NRG3: variants seen among roughly 807,000 people sequenced by gnomAD.
NRG3 encodes neuregulin 3, also known as pro-neuregulin-3, membrane-bound isoform.
Under a neutral mutation model 66.9 loss-of-function variants are expected in NRG3, and 31 were observed. That is an observed-to-expected ratio of 0.46 (90% CI 0.35 to 0.63). The LOEUF is 0.63. Ranked by LOEUF, NRG3 falls within the 20% of genes least tolerant of loss-of-function variation. NRG3 has a pLI of 0.00. For missense variants in NRG3, 910 were observed against 878.9 expected, an observed-to-expected ratio of 1.04 and a Z score of -0.45; for synonymous variants, 393 against 359.4, an observed-to-expected ratio of 1.09 and a Z score of -1.06.
At chr10:82,164,149 AACAGGGATCC>A (rs1056438452) in intron 1 of NRG3, among the ~76,000 whole-genome samples, 16 of 151,906 alleles carry the variant, frequency 1.1e-4, no homozygotes, top group Non-Finnish European at 1.8e-4. Flanking sequence ...TCGAACTCCT[AACAGGGATCC>A]ACCTGTGTAG....
At chr10:82,176,226 C>G (rs1490765702) in intron 1 of NRG3, among the ~76,000 whole-genome samples, 1 of 152,162 alleles carries the variant, frequency 6.6e-6, no homozygotes, top group Non-Finnish European at 1.5e-5. Flanking sequence ...GCAGGATATC[C>G]TTTGGGAAAT....
chr10:82,796,337 G>A (rs768515234), intron 3 of NRG3, among the ~76,000 whole-genome samples: 2 of 152,114 alleles, frequency 1.3e-5, no homozygotes, highest in South Asian at 2.1e-4. Context: ...TTGTCAATCA[G>A]CTCCTATTGG....
chr10:82,842,423 G>A (rs2135758406), intron 3 of NRG3, among the ~76,000 whole-genome samples: 1 of 152,200 alleles, frequency 6.6e-6, no homozygotes, highest in South Asian at 2.1e-4. Flanking sequence ...TCTAGCCCAG[G>A]AACTAGAATA....
rs371275649 is a variant in NRG3 at position 82,143,138 on chromosome 10, CT to C, written c.824-215599del. Reference sequence around the variant, plus strand: ...ACAGAAAAGTGATGAATGATATGAACTTAGTGCTAGGTTCCAGTTCAAGAAT... The same window carrying C: ...ACAGAAAAGTGATGAATGATATGAACTAGTGCTAGGTTCCAGTTCAAGAAT... On this transcript the variant is annotated intron_variant, in intron 1 of 8. Transcript: ENST00000372141. Among the ~76,000 whole-genome samples, 8 of 151,990 alleles carry C rather than the reference CT, an allele frequency of 5.3e-5. 1 individual carries two copies. Among genetic ancestry groups the C allele is most frequent in the African/African-American group, 1.9e-4 (8 of 41,474 alleles).
At chr10:82,950,735 C>T (rs1237794558) in intron 4 of NRG3, among the ~76,000 whole-genome samples, 4 of 152,172 alleles carry the variant, frequency 2.6e-5, no homozygotes, top group Non-Finnish European at 5.9e-5. Flanking sequence ...TCTACGGATA[C>T]AAAGTCTTGA....
At chr10:82,041,874 C>G (rs1426666783) in intron 1 of NRG3, among the ~76,000 whole-genome samples, 1 of 151,882 alleles carries the variant, frequency 6.6e-6, no homozygotes, top group Non-Finnish European at 1.5e-5. Flanking sequence ...TCCCAACAAC[C>G]AAAGTCAGAG....
At position 82,418,452 on chromosome 10, in the gene NRG3, G is replaced by A. The variant is rs139736897; in HGVS notation, c.953+59584G>A. The stretch of plus-strand genomic sequence containing the variant: ...TGTTTATGCAAATTAACCAGTTTAT[G>A]CAAATGAAAAGAGGAGGTAAGAAGG... On this transcript the variant is annotated intron_variant, in intron 2 of 8. Transcript: ENST00000372141. 5.3e-3 allele frequency among the ~76,000 whole-genome samples: 801 copies of A among 151,476 alleles called. 11 individuals are homozygous for A. Among genetic ancestry groups the A allele is most frequent in the African/African-American group, 0.018 (754 of 41,194 alleles).
intron 1 of NRG3, among the ~76,000 whole-genome samples, chr10:82,088,742 G>A (rs1320013378): frequency 6.6e-6 from 1 of 152,062 alleles, no homozygotes; most frequent in Non-Finnish European, 1.5e-5. Context: ...GTAGGGAGCT[G>A]TGACTGGCTG....
At chr10:82,847,995 A>G (rs1451111819) in intron 3 of NRG3, among the ~76,000 whole-genome samples, 1 of 152,220 alleles carries the variant, frequency 6.6e-6, no homozygotes, top group African/African-American at 2.4e-5. Context: ...CAGAGAAAAA[A>G]GCATGACAGT....
At position 81,875,514 on chromosome 10, in the gene NRG3, C is replaced by A. The variant is rs138307592; in HGVS notation, c.174C>A (p.Ile58=). The A allele has an allele frequency of 9.3e-6, 15 of 1,609,084 alleles. No homozygotes were observed. In the African/African-American group the frequency reaches 1.7e-4, roughly 19 times the overall value. Residue 58 remains isoleucine (I), a synonymous_variant, in exon 1 of 9, where the codon ATC becomes ATA. Coordinates refer to ENST00000372141, the MANE Select transcript of NRG3 (RefSeq NM_001010848.4). This position sits in a 1 kb window ranked among gnomAD's most constrained non-coding sequence, Gnocchi z 5.3. ...GGGAGTTACGCTGTAGCGACTGCAT[C>A]GTGTGGAACCGGCAGCAGACGTGGC... ...PPRELRCSDC[I]VWNRQQTWLC...
chr10:82,541,107 G>T (rs186456792), intron 2 of NRG3, among the ~76,000 whole-genome samples: 15 of 152,212 alleles, frequency 9.9e-5, no homozygotes, highest in Admixed American at 2.6e-4. Context: ...CCAGCCTTCA[G>T]ATCCATGAGC....
At chr10:82,430,048 T>C (rs528610643) in intron 2 of NRG3, among the ~76,000 whole-genome samples, 1 of 152,304 alleles carries the variant, frequency 6.6e-6, no homozygotes, top group African/African-American at 2.4e-5. Flanking sequence ...CCTTTATTAA[T>C]AATCTCAGTT....
intron 3 of NRG3, among the ~76,000 whole-genome samples, chr10:82,816,716 G>A (rs1391001955): frequency 6.6e-6 from 1 of 152,166 alleles, no homozygotes; most frequent in Non-Finnish European, 1.5e-5. Flanking sequence ...GGGGCCTGCA[G>A]GCCCACACTG....
At chr10:82,636,757 T>C (rs919483610) in intron 2 of NRG3, among the ~76,000 whole-genome samples, 15 of 152,030 alleles carry the variant, frequency 9.9e-5, no homozygotes, top group Admixed American at 7.2e-4. Flanking sequence ...TTTGAGTATA[T>C]ACCCAGAAGA....
chr10:82,121,830 G>A (rs1346096474), intron 1 of NRG3, among the ~76,000 whole-genome samples: 1 of 151,946 alleles, frequency 6.6e-6, no homozygotes, highest in Non-Finnish European at 1.5e-5. Flanking sequence ...TAGAGATGGT[G>A]TCTCACTGTG....
intron 1 of NRG3, among the ~76,000 whole-genome samples, chr10:81,967,025 T>C (rs1429836224): frequency 6.6e-6 from 1 of 152,036 alleles, no homozygotes; most frequent in Non-Finnish European, 1.5e-5. Flanking sequence ...TTCAAGAACA[T>C]TATTTTAAAA....
intron 1 of NRG3, among the ~76,000 whole-genome samples, chr10:82,190,264 T>C (rs2074060241): frequency 6.6e-6 from 1 of 152,064 alleles, no homozygotes; most frequent in South Asian, 2.1e-4. Context: ...ATGTTCATAA[T>C]ACCATTAAAA....
chr10:82,697,749 A>T (rs4933847), intron 2 of NRG3, among the ~76,000 whole-genome samples: 7,933 of 152,222 alleles, frequency 0.052, 279 homozygotes, highest in Non-Finnish European at 0.07. Context: ...AAGCAGAGAA[A>T]GGAGGACGCT....
intron 7 of NRG3, among the ~76,000 whole-genome samples, chr10:82,978,482 G>T (rs1852515397): frequency 6.6e-6 from 1 of 152,174 alleles, no homozygotes; most frequent in Non-Finnish European, 1.5e-5. Flanking sequence ...ATTAAAAGTT[G>T]TTAATTTTAT....
Sources: gnomAD v4.1 joint callset for allele counts (sites outside exome capture counted in the v4.1 genomes callset) on GRCh38, gnomAD v4.1.1 for gene constraint, Gnocchi (gnomAD v3.1) non-coding constraint, MANE v1.5 for transcripts, NCBI Gene and HGNC (gene_info 2026-07-23, HGNC 2026-07-21) for gene names.